GALNT1: variants seen among roughly 807,000 people sequenced by gnomAD.
GALNT1 encodes polypeptide N-acetylgalactosaminyltransferase 1, also known as GalNAc transferase 1.
In GALNT1, 17 loss-of-function variants were observed where a neutral mutation model predicts 65.7. The observed-to-expected ratio is 0.26, with a 90% confidence interval of 0.18 to 0.39. GALNT1 has a LOEUF of 0.39. GALNT1 is among the 10% of genes least tolerant of loss of function. The pLI is 1.00. For missense variants in GALNT1, 460 were observed against 672.8 expected, an observed-to-expected ratio of 0.68 and a Z score of 3.50; for synonymous variants, 210 against 219.7, an observed-to-expected ratio of 0.96 and a Z score of 0.39.
At chr18:35,591,412 A>AT (rs1370216492) in intron 1 of GALNT1, among the ~76,000 whole-genome samples, 1 of 152,228 alleles carries the variant, frequency 6.6e-6, no homozygotes, top group East Asian at 1.9e-4. Context: ...CTCTGGCCAT[A>AT]TACCAAGCAC....
intron 1 of GALNT1, among the ~76,000 whole-genome samples, chr18:35,589,762 C>T (rs528225277): frequency 3.3e-5 from 5 of 152,264 alleles, no homozygotes; most frequent in Admixed American, 2.0e-4. Context: ...TGAATATCCC[C>T]GAAGGATCAG....
chr18:35,709,949 T>C lies in GALNT1; in HGVS notation c.*179T>C. 1 of 652,592 alleles carries C rather than the reference T, an allele frequency of 1.5e-6. No individual in the cohort carries two copies. The highest frequency in any genetic ancestry group is 2.6e-6 in the Non-Finnish European group (1 of 388,576). 40.4% of individuals were successfully genotyped at this position (652,592 alleles called of 1,614,324 possible). On this transcript the variant is annotated 3_prime_UTR_variant, in exon 12 of 12. Coordinates refer to ENST00000269195, the MANE Select transcript of GALNT1 (RefSeq NM_020474.4). Reference sequence around the variant, plus strand: ...CTTTTCACTAGCTGTGAACCAGCCTTCCTGTCCATGGACGTGAAACTGCAT... The same window carrying C: ...CTTTTCACTAGCTGTGAACCAGCCTCCCTGTCCATGGACGTGAAACTGCAT...
intron 1 of GALNT1, among the ~76,000 whole-genome samples, chr18:35,644,141 A>C (rs2047200273): frequency 6.6e-6 from 1 of 152,136 alleles, no homozygotes; most frequent in Non-Finnish European, 1.5e-5. Context: ...CTGACCTCTA[A>C]ACTTGAGATA....
rs1374371465 is a variant in GALNT1, at chr18:35,660,048, T to G, written c.140-3580T>G. 3 of 152,150 alleles carry G rather than the reference T, an allele frequency of 2.0e-5. No homozygotes were observed. In the East Asian group the frequency reaches 5.8e-4, roughly 29 times the overall value. The allele number at this position is 152,150 out of a possible 1,614,324, so 9.4% of individuals were successfully genotyped here. A position where few individuals can be genotyped will look rare whatever the true frequency, so the allele number is the denominator to read the frequency against. On this transcript the variant is annotated intron_variant, in intron 2 of 11. Coordinates refer to ENST00000269195, the MANE Select transcript of GALNT1 (RefSeq NM_020474.4). Reference sequence around the variant, plus strand: ...CACCGTAAAAGTGATAACATTCCAGTTACCATTGTGAGCCACATTCCAATT... The same window carrying G: ...CACCGTAAAAGTGATAACATTCCAGGTACCATTGTGAGCCACATTCCAATT...
At chr18:35,649,492 T>G (rs188344102) in intron 1 of GALNT1, among the ~76,000 whole-genome samples, 8 of 152,340 alleles carry the variant, frequency 5.3e-5, no homozygotes, top group African/African-American at 1.7e-4. Flanking sequence ...AATTTGTGAC[T>G]TGCTCTTTAT....
At chr18:35,677,820 G>C (rs2047732053) in intron 4 of GALNT1, 63 bp downstream of exon 4, 2 of 1,211,716 alleles carry the variant, frequency 1.7e-6, no homozygotes, top group Non-Finnish European at 2.3e-6. Context: ...GTTAAAACTA[G>C]TTGCTATAAT....
intron 9 of GALNT1, among the ~76,000 whole-genome samples, chr18:35,693,939 A>C (rs1419183509): frequency 2.6e-5 from 4 of 152,196 alleles, no homozygotes; most frequent in Non-Finnish European, 4.4e-5. Context: ...AGGAATCAGC[A>C]AAAAAGATTG....
chr18:35,691,058 T>C lies in GALNT1; in HGVS notation c.1025T>C (p.Val342Ala). ...TTGGAAATTGTTACATGCTCACATGTTGGACATGTGTTTCGGAAAGCTACA... is the reference window on the plus strand; with the variant it reads ...TTGGAAATTGTTACATGCTCACATGCTGGACATGTGTTTCGGAAAGCTACA... ...GTLEIVTCSH[V>A]GHVFRKATPY... The change falls in exon 8 of 12, where the codon GTT (valine) becomes GCT (alanine). Residue 342 changes from valine to alanine, a missense_variant. Transcript: ENST00000269195. 6.2e-7 allele frequency: 1 copy of C among 1,610,812 alleles called. No homozygotes were observed. Among genetic ancestry groups the C allele is most frequent in the Non-Finnish European group, 8.5e-7 (1 of 1,178,810 alleles).
chr18:35,669,572 C>T (rs552069298), intron 3 of GALNT1, among the ~76,000 whole-genome samples: 5 of 152,116 alleles, frequency 3.3e-5, no homozygotes, highest in Admixed American at 6.5e-5. Context: ...GGAAAACAGG[C>T]GATAAGTTAT....
intron 1 of GALNT1, among the ~76,000 whole-genome samples, chr18:35,607,086 TGAAAA>T (rs930364092): frequency 6.6e-6 from 1 of 152,020 alleles, no homozygotes; most frequent in Non-Finnish European, 1.5e-5. Context: ...TGACCTGGCT[TGAAAA>T]GATAAGTAGG....
At chr18:35,601,653 G>C (rs947787713) in intron 1 of GALNT1, among the ~76,000 whole-genome samples, 1 of 152,142 alleles carries the variant, frequency 6.6e-6, no homozygotes, top group Non-Finnish European at 1.5e-5. Flanking sequence ...GGTCAGAAAA[G>C]ATACTTGATA....
At chr18:35,692,472 A>G in intron 9 of GALNT1, 152 bp downstream of exon 9, 1 of 511,482 alleles carries the variant, frequency 2.0e-6, no homozygotes, top group Non-Finnish European at 3.2e-6. Context: ...TTACCACGTA[A>G]GTCTAAACTA....
intron 1 of GALNT1, among the ~76,000 whole-genome samples, chr18:35,649,712 A>G (rs1386212252): frequency 1.3e-5 from 2 of 152,074 alleles, no homozygotes; most frequent in African/African-American, 4.8e-5. Flanking sequence ...TTTATTCCAG[A>G]TCTAGTTCAA....
chr18:35,640,297 A>G (rs922931734), intron 1 of GALNT1, among the ~76,000 whole-genome samples: 1 of 152,220 alleles, frequency 6.6e-6, no homozygotes, highest in African/African-American at 2.4e-5. Context: ...TGAATTTAAA[A>G]TCAACAAATA....
intron 1 of GALNT1, among the ~76,000 whole-genome samples, chr18:35,637,824 G>A (rs2047110645): frequency 6.6e-6 from 1 of 152,176 alleles, no homozygotes; most frequent in Non-Finnish European, 1.5e-5. Flanking sequence ...TTTGTTAGTA[G>A]GTGATAGTGC....
chr18:35,650,583 C>T (rs759415727), intron 1 of GALNT1, among the ~76,000 whole-genome samples: 8 of 152,144 alleles, frequency 5.3e-5, no homozygotes, highest in African/African-American at 1.2e-4. Context: ...AAAAGACAGA[C>T]GTTCCCAAAG....
At chr18:35,694,177 T>G (rs2048015615) in intron 9 of GALNT1, among the ~76,000 whole-genome samples, 1 of 152,124 alleles carries the variant, frequency 6.6e-6, no homozygotes, top group Non-Finnish European at 1.5e-5. Flanking sequence ...AAAACTCTGT[T>G]TTGAAGAGAG....
At position 35,660,834 on chromosome 18, in the gene GALNT1, G is replaced by A. The variant is rs116922457; in HGVS notation, c.140-2794G>A. The stretch of plus-strand genomic sequence containing the variant: ...TTTTCTTATTAATAATTAGAGTATT[G>A]TGGTGCATTCTCTAAATCATTCAGT... On this transcript the variant is annotated intron_variant, in intron 2 of 11. Coordinates refer to ENST00000269195, the MANE Select transcript of GALNT1 (RefSeq NM_020474.4). 8.7e-3 allele frequency among the ~76,000 whole-genome samples: 1,329 copies of A among 152,240 alleles called. 21 individuals are homozygous for A. The highest frequency in any genetic ancestry group is 0.047 in the East Asian group (241 of 5,182).
rs558523935 is a variant in GALNT1, at chr18:35,609,779, T to C, written c.-104+27917T>C. 1.5e-4 allele frequency among the ~76,000 whole-genome samples: 23 copies of C among 152,340 alleles called. 3 individuals are homozygous for C. In the South Asian group the frequency reaches 4.8e-3, roughly 32 times the overall value. ...TGTAATCAACTGCCCACTCTTTGCTTAGTATTAATACCCTTAGATTCTTTA... is the reference window on the plus strand; with the variant it reads ...TGTAATCAACTGCCCACTCTTTGCTCAGTATTAATACCCTTAGATTCTTTA... On this transcript the variant is annotated intron_variant, in intron 1 of 11. Coordinates refer to ENST00000269195, the MANE Select transcript of GALNT1 (RefSeq NM_020474.4).
Sources: allele counts gnomAD v4.1 joint callset (sites outside exome capture counted in the v4.1 genomes callset), GRCh38; gene constraint gnomAD v4.1.1; transcripts MANE v1.5; gene names NCBI Gene and HGNC (gene_info 2026-07-23, HGNC 2026-07-21).